NRG1: variants seen among roughly 807,000 people sequenced by gnomAD.
NRG1 encodes the protein pro-neuregulin-1, membrane-bound isoform.
NRG1 carries 18 observed loss-of-function variants against 63.8 expected under a neutral mutation model. The observed-to-expected ratio is 0.28, with a 90% CI of 0.19 to 0.42. The LOEUF is 0.42. Ranked by LOEUF, NRG1 falls within the 10% of genes least tolerant of loss-of-function variation. NRG1 has a pLI of 1.00. For synonymous variants in NRG1, 302 were observed against 301.3 expected, an observed-to-expected ratio of 1.00 and a Z score of -0.02; for missense variants, 762 against 814.7, an observed-to-expected ratio of 0.94 and a Z score of 0.79.
chr8:31,915,850 G>A (rs1476590033), intron 1 of NRG1, among the ~76,000 whole-genome samples: 1 of 152,010 alleles, frequency 6.6e-6, no homozygotes, highest in African/African-American at 2.4e-5. Flanking sequence ...TGTATGGTGG[G>A]TTTTCATCGA....
intron 1 of NRG1, among the ~76,000 whole-genome samples, chr8:32,020,094 T>C (rs2130190207): frequency 1.3e-5 from 2 of 152,322 alleles, no homozygotes; most frequent in South Asian, 4.1e-4. Context: ...AGTTTAAGTT[T>C]GTTGGAAATT....
chr8:32,476,136 A>G (rs1392925378), intron 1 of NRG1, among the ~76,000 whole-genome samples: 1 of 152,226 alleles, frequency 6.6e-6, no homozygotes, highest in Non-Finnish European at 1.5e-5. Context: ...ATAAAGGTGT[A>G]TTTGACAAAA....
intron 1 of NRG1, among the ~76,000 whole-genome samples, chr8:32,148,559 C>T (rs764514443): frequency 9.9e-5 from 15 of 152,234 alleles, no homozygotes; most frequent in Admixed American, 1.3e-4. Context: ...CCACCACGCC[C>T]GGCTAATTTT....
intron 5 of NRG1, among the ~76,000 whole-genome samples, chr8:32,684,321 A>G (rs1279820108): frequency 6.6e-6 from 1 of 152,254 alleles, no homozygotes; most frequent in Non-Finnish European, 1.5e-5. Context: ...GTAAGAGATA[A>G]ACACACAGGA....
At chr8:32,664,658 G>A (rs1209609090) in intron 5 of NRG1, among the ~76,000 whole-genome samples, 3 of 152,038 alleles carry the variant, frequency 2.0e-5, no homozygotes, top group Non-Finnish European at 4.4e-5. Context: ...GATGAAGATG[G>A]TGATGATAGT....
chr8:32,593,141 G>A (rs971721029), intron 1 of NRG1, among the ~76,000 whole-genome samples: 1 of 152,086 alleles, frequency 6.6e-6, no homozygotes. Flanking sequence ...TGTCTCAGGG[G>A]CAGCAGAGAC....
chr8:32,319,446 G>A (rs1801127319), intron 1 of NRG1, among the ~76,000 whole-genome samples: 1 of 152,176 alleles, frequency 6.6e-6, no homozygotes. Context: ...CTATTCAAGA[G>A]GAGAAGAAGG....
At position 31,929,936 on chromosome 8, in the gene NRG1, T is replaced by C. The variant is rs569109844; in HGVS notation, c.37+290505T>C. Among the ~76,000 whole-genome samples, 32 of 152,360 alleles carry C rather than the reference T, an allele frequency of 2.1e-4. 1 individual carries two copies. In the South Asian group the frequency reaches 6.4e-3, roughly 31 times the overall value. ...ACCTGACTATAAATATTTTATTGTT[T>C]ACATCTTCCCCTGCAAAGAATTCCT... On this transcript the variant is annotated intron_variant, in intron 1 of 10. Transcript: ENST00000519301.
rs546993969 is a variant in NRG1 at position 31,686,933 on chromosome 8, A to AT, written c.37+47509dup. Among the ~76,000 whole-genome samples, 33 of 151,790 alleles carry AT rather than the reference A, an allele frequency of 2.2e-4. No individual in the cohort carries two copies. The East Asian group carries it at 5.7e-3, about 26-fold the overall frequency. ...TAGGCGCCCACCACTACACCTGGCT[A>AT]TTTTTTTGTATTTTTAGTAGAGATA... On this transcript the variant is annotated intron_variant, in intron 1 of 10. Coordinates refer to the NRG1 transcript ENST00000519301.
At chr8:31,642,979 AGTGTGTGTGT>A (rs34942505) in intron 1 of NRG1, among the ~76,000 whole-genome samples, 1 of 150,968 alleles carries the variant, frequency 6.6e-6, no homozygotes, top group Non-Finnish European at 1.5e-5. Flanking sequence ...TGAGTGTAAA[AGTGTGTGTGT>A]GTGTGTGTGT....
chr8:32,100,111 TC>T (rs1192270759), intron 1 of NRG1, among the ~76,000 whole-genome samples: 3 of 151,850 alleles, frequency 2.0e-5, no homozygotes, highest in Non-Finnish European at 2.9e-5. Flanking sequence ...CTCTTCCCCT[TC>T]CCCCTCTTTT....
At chr8:32,748,358 CAGAGAGAGAGAG>C (rs34657847) in intron 7 of NRG1, among the ~76,000 whole-genome samples, 35 of 122,008 alleles carry the variant, frequency 2.9e-4, no homozygotes, top group East Asian at 7.1e-4. Context: ...CACACACACA[CAGAGAGAGAGAG>C]AGAGAGAGAG....
chr8:31,672,461 T>C (rs1455703974), intron 1 of NRG1, among the ~76,000 whole-genome samples: 1 of 152,130 alleles, frequency 6.6e-6, no homozygotes, highest in African/African-American at 2.4e-5. Context: ...GAAGTGACCA[T>C]CTGGACCAGT....
intron 1 of NRG1, chr8:31,639,665 G>A: frequency 3.6e-6 from 5 of 1,394,554 alleles, no homozygotes; most frequent in Non-Finnish European, 4.6e-6. Context: ...GGGCTCGGGC[G>A]CGGCGGCGGC....
chr8:31,705,217 T>G (rs1811031964), intron 1 of NRG1, among the ~76,000 whole-genome samples: 1 of 152,050 alleles, frequency 6.6e-6, no homozygotes, highest in South Asian at 2.1e-4. Flanking sequence ...TTTATTTTTA[T>G]TTTTATTTTT....
At chr8:31,864,260 G>A (rs931656988) in intron 1 of NRG1, among the ~76,000 whole-genome samples, 1 of 152,164 alleles carries the variant, frequency 6.6e-6, no homozygotes, top group Non-Finnish European at 1.5e-5. Flanking sequence ...GTAATGCTAA[G>A]TAGAGCAGAA....
At chr8:32,019,841 A>C (rs1041947980) in intron 1 of NRG1, among the ~76,000 whole-genome samples, 4 of 152,220 alleles carry the variant, frequency 2.6e-5, no homozygotes, top group Non-Finnish European at 5.9e-5. Context: ...ATCATAAACC[A>C]TATACCTGTG....
chr8:32,671,543 T>A (rs1431789031), intron 5 of NRG1, among the ~76,000 whole-genome samples: 1 of 152,204 alleles, frequency 6.6e-6, no homozygotes, highest in Admixed American at 6.5e-5. Context: ...ATCAACAAGG[T>A]GATTTTCATT....
chr8:31,787,619 T>C (rs1409079633), intron 1 of NRG1, among the ~76,000 whole-genome samples: 1 of 152,176 alleles, frequency 6.6e-6, no homozygotes, highest in African/African-American at 2.4e-5. Flanking sequence ...CCAACAACAG[T>C]GTTTATTTTA....
Sources: gnomAD v4.1 joint callset for allele counts (sites outside exome capture counted in the v4.1 genomes callset) on GRCh38, gnomAD v4.1.1 for gene constraint, MANE v1.5 for transcripts, NCBI Gene and HGNC (gene_info 2026-07-23, HGNC 2026-07-21) for gene names.